The following AGBL5 variants were observed in gnomAD, a reference collection of about 807,000 sequenced individuals.
AGBL5 encodes the protein AGBL carboxypeptidase 5.
In AGBL5, 51 loss-of-function variants were observed where a neutral mutation model predicts 88.0. The ratio of observed to expected loss-of-function variants is 0.58; its 90% CI spans 0.46 to 0.73. The LOEUF (loss-of-function observed/expected upper bound fraction) is 0.73, where lower values mean the gene tolerates loss of function less well. Among genes scored for constraint, AGBL5 ranks in the 30% least tolerant of loss-of-function variants. The pLI, the probability that AGBL5 is intolerant of heterozygous loss-of-function variation, is 0.00. For synonymous variants in AGBL5, 446 were observed against 438.8 expected, an observed-to-expected ratio of 1.02 and a Z score of -0.21; for missense variants, 1,031 against 1,162.2, an observed-to-expected ratio of 0.89 and a Z score of 1.64.
rs1253567054 is a variant in AGBL5, at chr2:27,055,860, T to C, written c.1087T>C (p.Ser363Pro). 1.9e-6 allele frequency: 3 copies of C among 1,614,194 alleles called. No individual in the cohort carries two copies. The highest frequency in any genetic ancestry group is 2.5e-6 in the Non-Finnish European group (3 of 1,180,036). ...SSCLPPDAPV[S>P]DLEKANNLQN... ...CTGTCTCCCTCCTGATGCTCCTGTT[T>C]CTGACCTGGAGAAAGCCAACAATCT... The change falls in exon 7 of 15, where the codon TCT (serine) becomes CCT (proline). Residue 363 changes from serine to proline, a missense_variant. By Grantham distance (74) the Ser-to-Pro change is moderately conservative. Around this residue, in one of 2 missense-constraint regions of AGBL5, gnomAD observed 540 missense variants for 678.2 expected, o/e 0.80. Coordinates refer to ENST00000360131, the MANE Select transcript of AGBL5 (RefSeq NM_021831.6).
chr2:27,054,250 C>A (rs1260939211), intron 4 of AGBL5, 191 bp downstream of exon 4: 4 of 641,028 alleles, frequency 6.2e-6, no homozygotes, highest in Non-Finnish European at 1.0e-5. Flanking sequence ...CATATCGACA[C>A]CTGCCCTCCA....
At chr2:27,052,878 C>A in intron 1 of AGBL5, 35 bp from the exon 2 acceptor site, 1 of 1,306,772 alleles carries the variant, frequency 7.7e-7, no homozygotes, top group East Asian at 2.6e-5. Flanking sequence ...TTTGTCTTCC[C>A]TTTCCTCCTT....
chr2:27,055,025 G>C (rs1251843400), intron 5 of AGBL5, 50 bp from the exon 6 acceptor site: 1 of 1,583,938 alleles, frequency 6.3e-7, no homozygotes, highest in African/African-American at 1.3e-5. Context: ...TACTGTCAAA[G>C]TAGAACTACA....
chr2:27,055,534 G>T, intron 6 of AGBL5, 148 bp from the exon 7 acceptor site: 1 of 852,698 alleles, frequency 1.2e-6, no homozygotes, highest in Non-Finnish European at 1.8e-6. Context: ...ATCAAAGAGA[G>T]GCCCTGTCTT....
In AGBL5 at chr2:27,059,308, C is replaced by T. The variant is rs1383259123; in HGVS notation, c.1993C>T (p.Pro665Ser). The change falls in exon 11 of 15, where the codon CCC (proline) becomes TCC (serine). Residue 665 changes from proline to serine, a missense_variant. By Grantham distance (74) the Pro-to-Ser change is moderately conservative. Coordinates refer to ENST00000360131, the MANE Select transcript of AGBL5 (RefSeq NM_021831.6). ...AAATTCTCCACAGATGAAGAATTCC[C>T]CCAGCTTTCCTTTTCATGGCAGTCG... ...QQNSPQMKNS[P>S]SFPFHGSRPA... 1.9e-6 allele frequency: 3 copies of T among 1,614,212 alleles called. No individual in the cohort carries two copies. The highest frequency in any genetic ancestry group is 1.3e-5 in the African/African-American group (1 of 75,060).
Position 27,053,905 on chromosome 2 carries a change from A to ACGCAGTTTGTGTTATC in AGBL5, c.399_414dup (p.Phe139AlafsTer30). 1 of 1,613,222 alleles carries ACGCAGTTTGTGTTATC rather than the reference A, an allele frequency of 6.2e-7. No homozygotes were observed. Among genetic ancestry groups the ACGCAGTTTGTGTTATC allele is most frequent in the East Asian group, 2.2e-5 (1 of 44,850 alleles). ...CTCCTCTGCTCTTCAGATGACAGAG[A>ACGCAGTTTGTGTTATC]CGCAGTTTGTGTTATCCTTTGTTCA... On this transcript the variant is annotated frameshift_variant, in exon 4 of 15. Transcript: ENST00000360131. LOFTEE classifies it high-confidence loss of function. This position sits in a 1 kb window ranked among gnomAD's most constrained non-coding sequence, Gnocchi z 4.9.
At chr2:27,067,447 T>C (rs373389192) in intron 11 of AGBL5, 47 bp from the exon 12 acceptor site, 32 of 1,589,834 alleles carry the variant, frequency 2.0e-5, no homozygotes, top group Non-Finnish European at 2.7e-5. Context: ...TGCCTCATAG[T>C]GCCCCACTTA....
rs1299663699 is a variant in AGBL5, at chr2:27,054,789, C to G, written c.711C>G (p.Phe237Leu). The G allele has an allele frequency of 6.2e-7, 1 of 1,612,742 alleles. No individual in the cohort carries two copies. The highest frequency in any genetic ancestry group is 1.1e-5 in the South Asian group (1 of 90,944). ...CTGATACCAGCACCCCTCGACCATT[C>G]CGTTTCGCAGGCAAGAGGGTGAGTG... is the stretch of plus-strand genomic sequence containing the variant. The part of the protein sequence containing the change: ...LFPDTSTPRP[F>L]RFAGKRIFFL... The change falls in exon 5 of 15, where the codon TTC becomes TTG. Residue 237 changes from phenylalanine to leucine, a missense_variant. This residue lies in a region of AGBL5 where 540 missense variants were observed against 678.2 expected (regional missense o/e 0.80). Coordinates refer to ENST00000360131, the MANE Select transcript of AGBL5 (RefSeq NM_021831.6).
At chr2:27,050,822 A>C (rs773414548), upstream of AGBL5, among the ~76,000 whole-genome samples, 2 of 152,178 alleles carry the variant, frequency 1.3e-5, no homozygotes, top group South Asian at 4.1e-4. Context: ...ACTGTAGTGG[A>C]TAGGGCGTGG....
Position 27,059,207 on chromosome 2 carries a change from G to A in AGBL5, c.1892G>A (p.Cys631Tyr). 1 of 1,613,614 alleles carries A rather than the reference G, an allele frequency of 6.2e-7. No homozygotes were observed. Among genetic ancestry groups the A allele is most frequent in the Admixed American group, 1.7e-5 (1 of 59,876 alleles). The change falls in exon 11 of 15, where the codon TGC becomes TAC. Residue 631 changes from cysteine to tyrosine, a missense_variant. Cys to Tyr is a radical substitution (Grantham distance 194). This residue lies in a region of AGBL5 where 491 missense variants were observed against 484.0 expected (regional missense o/e 1.01). Transcript: ENST00000360131. ...CTTTGCAGTGGGTTGCCTGTCTCCT[G>A]CTCCGAAAACACCTTGAGTCGGGCA... ...PKSHNGLPVS[C>Y]SENTLSRARS...
chr2:27,069,255 G>C (rs767604669), intron 13 of AGBL5: 1 of 985,354 alleles, frequency 1.0e-6, no homozygotes, highest in South Asian at 4.7e-5. Context: ...CTCTGAGAGA[G>C]GTCTACCAAC....
rs927145565 is a variant in AGBL5, at chr2:27,066,035, G to C, written c.2090-1459G>C. ...AGCACTTTGGGAACTGAAGCAGGAG[G>C]ATCGCTTGAGCCCATGAGTTCCAGA... On this transcript the variant is annotated intron_variant, in intron 11 of 14. Coordinates refer to ENST00000360131, the MANE Select transcript of AGBL5 (RefSeq NM_021831.6). Among the ~76,000 whole-genome samples, 16 of 152,266 alleles carry C rather than the reference G, an allele frequency of 1.1e-4. 1 individual carries two copies. Among genetic ancestry groups the C allele is most frequent in the Admixed American group, 9.8e-4 (15 of 15,286 alleles).
In AGBL5 at chr2:27,053,242, C is replaced by G; in HGVS notation, c.215+69C>G. 1 of 1,525,616 alleles carries G rather than the reference C, an allele frequency of 6.6e-7. No individual in the cohort carries two copies. Among genetic ancestry groups the G allele is most frequent in the African/African-American group, 1.4e-5 (1 of 72,780 alleles). 94.5% of individuals were successfully genotyped at this position (1,525,616 alleles called of 1,614,324 possible). A position where few individuals can be genotyped will look rare whatever the true frequency, so the allele number is the denominator to read the frequency against. On this transcript the variant is annotated intron_variant, in intron 2 of 14. Transcript: ENST00000360131. The surrounding 1 kb of genome is among the most constrained non-coding windows in gnomAD (Gnocchi z 4.9). ...TGCTTCAGTTAGCCCTCTGACTTAT[C>G]TGTTCATACCCAGCATACTCCCTGT...
upstream of AGBL5, chr2:27,050,864 C>G (rs928346652): frequency 2.0e-5 from 3 of 152,196 alleles, no homozygotes; most frequent in African/African-American, 7.2e-5. Context: ...GATTCCGGCT[C>G]GAAGGACTTC....
chr2:27,058,729 T>C (rs1668567270), intron 10 of AGBL5, 127 bp downstream of exon 10: 10 of 1,018,502 alleles, frequency 9.8e-6, no homozygotes, highest in Non-Finnish European at 1.4e-5. Context: ...ATCTTCAGGG[T>C]AAATTAAAAT....
rs779110735 is a variant in AGBL5 at position 27,056,052 on chromosome 2, G to A, written c.1279G>A (p.Val427Ile). The A allele has an allele frequency of 1.7e-5, 28 of 1,614,060 alleles. No individual in the cohort carries two copies. Among genetic ancestry groups the A allele is most frequent in the East Asian group, 1.3e-4 (6 of 44,896 alleles). Residue 427 changes from valine to isoleucine, a missense_variant, in exon 7 of 15, where the codon GTT becomes ATT. Coordinates refer to ENST00000360131, the MANE Select transcript of AGBL5 (RefSeq NM_021831.6). ...TACCATCCCCCCCAAAGAGAGTGGCGTTGCTTACTATGTGGACCTGCATGG... is the reference window on the plus strand; with the variant it reads ...TACCATCCCCCCCAAAGAGAGTGGCATTGCTTACTATGTGGACCTGCATGG... ...PDTIPPKESG[V>I]AYYVDLHGHA...
At chr2:27,063,758 T>G (rs1196305516) in intron 11 of AGBL5, among the ~76,000 whole-genome samples, 1 of 152,158 alleles carries the variant, frequency 6.6e-6, no homozygotes, top group East Asian at 1.9e-4. Context: ...GTCAAGTAAC[T>G]GCTGCTGTAA....
chr2:27,064,443 ACAC>A (rs1255063729), intron 11 of AGBL5, among the ~76,000 whole-genome samples: 1 of 151,430 alleles, frequency 6.6e-6, no homozygotes, highest in Non-Finnish European at 1.5e-5. Flanking sequence ...CTACAGGTGC[ACAC>A]CACCACACCT....
Position 27,070,567 on chromosome 2 carries a change from T to G in AGBL5, c.*304T>G, listed in dbSNP as rs984418831. On this transcript the variant is annotated 3_prime_UTR_variant, in exon 15 of 15. Transcript: ENST00000360131. ...TGGGCCCTATTCAGTGGCAGCTTCT[T>G]GTTCCATAGGATTAAGGAAGACTCT... 3 of 313,272 alleles carry G rather than the reference T, an allele frequency of 9.6e-6. No homozygotes were observed. The highest frequency in any genetic ancestry group is 1.8e-5 in the Non-Finnish European group (3 of 168,684). The allele number at this position is 313,272 out of a possible 1,614,324, so 19.4% of individuals were successfully genotyped here.
Sources: gnomAD v4.1 joint callset for allele counts (sites outside exome capture counted in the v4.1 genomes callset) on GRCh38, gnomAD v4.1.1 for gene constraint, gnomAD v4.1.1 regional missense constraint, Gnocchi (gnomAD v3.1) non-coding constraint, MANE v1.5 for transcripts, NCBI Gene and HGNC (gene_info 2026-07-23, HGNC 2026-07-21) for gene names.